UNC80: variants seen among roughly 807,000 people sequenced by gnomAD.
The protein encoded by UNC80 is protein unc-80 homolog.
Under a neutral mutation model 384.6 loss-of-function variants are expected in UNC80, and 164 were observed. The observed-to-expected ratio is 0.43, with a 90% CI of 0.38 to 0.49. UNC80 has a LOEUF of 0.49. Among genes scored for constraint, UNC80 ranks in the 20% least tolerant of loss-of-function variants. The pLI is 0.00. For synonymous variants in UNC80, 1,486 were observed against 1,527.8 expected (o/e 0.97, Z 0.64); for missense variants, 3,330 against 4,143.0 (o/e 0.80, Z 5.39).
At chr2:209,904,719 T>C (rs758852074) in intron 28 of UNC80, 46 bp from the exon 29 acceptor site, 94 of 1,515,818 alleles carry the variant, frequency 6.2e-5, no homozygotes, top group Non-Finnish European at 8.3e-5. Context: ...TCAGTTTATC[T>C]GTACCCTGGT....
At chr2:209,903,320 A>ATATGTGTGTGTGTG (rs1553582548) in intron 28 of UNC80, among the ~76,000 whole-genome samples, 1 of 105,764 alleles carries the variant, frequency 9.5e-6, no homozygotes, top group African/African-American at 3.6e-5. Context: ...ATTATATTAT[A>ATATGTGTGTGTGTG]TGTGTGTGTG....
At chr2:209,887,735 C>T (rs890875789) in intron 25 of UNC80, among the ~76,000 whole-genome samples, 4 of 152,166 alleles carry the variant, frequency 2.6e-5, no homozygotes, top group African/African-American at 9.7e-5. Context: ...CAGTACCTAA[C>T]ACATCCATGC....
At position 209,995,726 on chromosome 2, in the gene UNC80, TG is replaced by T; in HGVS notation, c.*132del. 1 of 1,101,740 alleles carries T rather than the reference TG, an allele frequency of 9.1e-7. No individual in the cohort carries two copies. The highest frequency in any genetic ancestry group is 1.3e-6 in the Non-Finnish European group (1 of 786,606). The allele number at this position is 1,101,740 out of a possible 1,614,324, so 68.2% of individuals were successfully genotyped here. On this transcript the variant is annotated 3_prime_UTR_variant, in exon 65 of 65. Coordinates refer to ENST00000673920, the MANE Select transcript of UNC80 (RefSeq NM_001371986.1). ...TTACTTCTAATGGGTGGCACAAATC[TG>T]AATAGGTTTTGCTGCCAATACACAT... is the stretch of plus-strand genomic sequence containing the variant.
In UNC80 at chr2:209,935,748, G is replaced by A. The variant is rs1030971948; in HGVS notation, c.6213G>A (p.Glu2071=). Reference sequence around the variant, plus strand: ...CCTTGGTAGTTCATGGACAGAATGAGTGCGATATCCCAACCCAGTTACCAG... The same window carrying A: ...CCTTGGTAGTTCATGGACAGAATGAATGCGATATCCCAACCCAGTTACCAG... The part of the protein sequence containing the change: ...TKTLVVHGQN[E]CDIPTQLPVH... Residue 2071 remains glutamate (E), a synonymous_variant, in exon 40 of 65, where the codon GAG becomes GAA. Coordinates refer to ENST00000673920, the MANE Select transcript of UNC80 (RefSeq NM_001371986.1). The A allele has an allele frequency of 2.6e-6, 4 of 1,539,426 alleles. No homozygotes were observed. The highest frequency in any genetic ancestry group is 2.5e-5 in the East Asian group (1 of 39,894).
Position 209,839,503 on chromosome 2 carries a change from A to C in UNC80, c.3250+73A>C. Reference sequence around the variant, plus strand: ...TGTCCTCAGATCAACTCAGTGATGCATAGTAGGGCCGAAAAAGAAGACCTT... The same window carrying C: ...TGTCCTCAGATCAACTCAGTGATGCCTAGTAGGGCCGAAAAAGAAGACCTT... On this transcript the variant is annotated intron_variant, in intron 19 of 64. Transcript: ENST00000673920. The surrounding 1 kb of genome is among the most constrained non-coding windows in gnomAD (Gnocchi z 4.1). The C allele has an allele frequency of 6.8e-7, 1 of 1,474,736 alleles. No individual in the cohort carries two copies. Among genetic ancestry groups the C allele is most frequent in the Non-Finnish European group, 9.2e-7 (1 of 1,082,926 alleles). 91.4% of individuals were successfully genotyped at this position (1,474,736 alleles called of 1,614,324 possible). A position where few individuals can be genotyped will look rare whatever the true frequency, so the allele number is the denominator to read the frequency against.
At chr2:209,930,254 T>C (rs774640217) in intron 37 of UNC80, among the ~76,000 whole-genome samples, 1 of 152,240 alleles carries the variant, frequency 6.6e-6, no homozygotes, top group Non-Finnish European at 1.5e-5. Context: ...ATTGAGTACC[T>C]TCATTGAATT....
intron 49 of UNC80, 23 bp downstream of exon 49, chr2:209,957,759 T>C (rs1169135033): frequency 6.5e-7 from 1 of 1,548,202 alleles, no homozygotes; most frequent in Non-Finnish European, 8.7e-7. Flanking sequence ...GCCTTATTCT[T>C]CTATGGTCTC....
At chr2:209,842,633 T>A (rs2081850259) in intron 21 of UNC80, among the ~76,000 whole-genome samples, 187 bp downstream of exon 21, 1 of 152,218 alleles carries the variant, frequency 6.6e-6, no homozygotes, top group Non-Finnish European at 1.5e-5. Context: ...ATGGAAGCCT[T>A]ACTGTGTTCC....
chr2:209,883,712 C>T lies in UNC80; in HGVS notation c.4110+2618C>T, dbSNP rs190274003. Among the ~76,000 whole-genome samples, 429 of 152,216 alleles carry T rather than the reference C, an allele frequency of 2.8e-3. 9 individuals carry two copies. The highest frequency in any genetic ancestry group is 0.01 in the Middle Eastern group (3 of 294). On this transcript the variant is annotated intron_variant, in intron 25 of 64. Transcript: ENST00000673920. ...CCTCCCAAAGTGCTGGGATTACAGGCGTGAGCCACAGCATCTGGCCCCCAC... is the reference window on the plus strand; with the variant it reads ...CCTCCCAAAGTGCTGGGATTACAGGTGTGAGCCACAGCATCTGGCCCCCAC...
At chr2:209,934,226 A>T (rs1479605547) in intron 39 of UNC80, among the ~76,000 whole-genome samples, 2 of 152,190 alleles carry the variant, frequency 1.3e-5, no homozygotes, top group Non-Finnish European at 2.9e-5. Flanking sequence ...CAGAACTGAG[A>T]TCCGCATGAA....
chr2:209,866,527 C>CAGAGAG (rs1553556925), intron 22 of UNC80, among the ~76,000 whole-genome samples: 5 of 90,946 alleles, frequency 5.5e-5, no homozygotes, highest in Non-Finnish European at 9.3e-5. Context: ...CACACACACA[C>CAGAGAG]ACACACAGAG....
chr2:209,899,850 GA>G (rs1034343623), intron 28 of UNC80, among the ~76,000 whole-genome samples: 1 of 152,164 alleles, frequency 6.6e-6, no homozygotes, highest in African/African-American at 2.4e-5. Flanking sequence ...GCCTAGAAGG[GA>G]AAACTGTCAT....
At chr2:209,908,557 A>C (rs554597634) in intron 29 of UNC80, among the ~76,000 whole-genome samples, 2 of 152,374 alleles carry the variant, frequency 1.3e-5, no homozygotes, top group South Asian at 4.1e-4. Context: ...GTTAATTTAA[A>C]AAAGGAGCAG....
intron 11 of UNC80, among the ~76,000 whole-genome samples, chr2:209,818,186 A>C (rs1212157310): frequency 2.0e-5 from 3 of 152,172 alleles, no homozygotes; most frequent in Admixed American, 6.5e-5. Context: ...CAAGCCATTC[A>C]TATTTCTTTT....
intron 61 of UNC80, among the ~76,000 whole-genome samples, chr2:209,986,822 G>A (rs1013671312): frequency 2.6e-5 from 4 of 152,130 alleles, no homozygotes; most frequent in Non-Finnish European, 4.4e-5. Flanking sequence ...ACTACATCAC[G>A]TCACCAAGTT....
chr2:209,934,037 T>A, intron 39 of UNC80, 32 bp downstream of exon 39: 1 of 1,492,434 alleles, frequency 6.7e-7, no homozygotes, highest in Non-Finnish European at 8.9e-7. Flanking sequence ...GTAACATAAC[T>A]TTAAAAAAAA....
chr2:209,800,134 G>T (rs2078444867), intron 7 of UNC80, among the ~76,000 whole-genome samples: 1 of 152,176 alleles, frequency 6.6e-6, no homozygotes, highest in South Asian at 2.1e-4. Context: ...AGTTTCAGAA[G>T]GAATGGTACC....
At chr2:209,798,844 A>ATT (rs1167727452) in intron 7 of UNC80, among the ~76,000 whole-genome samples, 75 of 126,614 alleles carry the variant, frequency 5.9e-4, no homozygotes, top group Non-Finnish European at 1.0e-3. Flanking sequence ...AGCCTGGCTA[A>ATT]TTTTTTTTTT....
chr2:209,985,457 G>C (rs2093267390), intron 61 of UNC80, among the ~76,000 whole-genome samples: 2 of 152,174 alleles, frequency 1.3e-5, no homozygotes, highest in Non-Finnish European at 2.9e-5. Flanking sequence ...TTCTATAGTA[G>C]CTTGTTCCAG....
Sources: gnomAD v4.1 joint callset for allele counts (sites outside exome capture counted in the v4.1 genomes callset) on GRCh38, gnomAD v4.1.1 for gene constraint, Gnocchi (gnomAD v3.1) non-coding constraint, MANE v1.5 for transcripts, NCBI Gene and HGNC (gene_info 2026-07-23, HGNC 2026-07-21) for gene names.